The following PRKCE variants were observed in gnomAD, a reference collection of about 807,000 sequenced individuals.
The protein encoded by PRKCE is protein kinase C epsilon, also known as protein kinase C epsilon type.
A neutral mutation model predicts 85.4 loss-of-function variants in PRKCE; 16 were observed. The observed-to-expected ratio is 0.19, with a 90% CI of 0.13 to 0.28. PRKCE has a LOEUF of 0.28. PRKCE is among the 10% of genes least tolerant of loss of function. The pLI, the probability that PRKCE is intolerant of heterozygous loss-of-function variation, is 1.00. For synonymous variants in PRKCE, 388 were observed against 371.5 expected, an observed-to-expected ratio of 1.04 and a Z score of -0.51; for missense variants, 573 against 975.2, an observed-to-expected ratio of 0.59 and a Z score of 5.49.
intron 1 of PRKCE, among the ~76,000 whole-genome samples, chr2:45,679,265 C>T (rs1384065940): frequency 6.6e-6 from 1 of 152,152 alleles, no homozygotes; most frequent in East Asian, 1.9e-4. Flanking sequence ...CACACATATA[C>T]TCAAAAGAAT....
intron 2 of PRKCE, among the ~76,000 whole-genome samples, chr2:45,929,571 T>G (rs1240514512): frequency 6.6e-6 from 1 of 152,042 alleles, no homozygotes; most frequent in Non-Finnish European, 1.5e-5. Context: ...AGATGCTAAT[T>G]AAGCTCCCAC....
intron 11 of PRKCE, among the ~76,000 whole-genome samples, chr2:46,092,345 C>T (rs181840184): frequency 1.3e-5 from 2 of 152,202 alleles, no homozygotes; most frequent in African/African-American, 4.8e-5. Context: ...ATTCTCCAAG[C>T]CTTTTGATCT....
chr2:45,775,025 T>A (rs189338134), intron 1 of PRKCE, among the ~76,000 whole-genome samples: 1 of 152,320 alleles, frequency 6.6e-6, no homozygotes, highest in African/African-American at 2.4e-5. Flanking sequence ...GCCTTCTGGA[T>A]GATCTCCTCC....
intron 1 of PRKCE, among the ~76,000 whole-genome samples, chr2:45,733,650 C>G (rs1424105820): frequency 6.6e-6 from 1 of 152,188 alleles, no homozygotes; most frequent in Non-Finnish European, 1.5e-5. Context: ...TGGAGTCAGC[C>G]TAGTGGCTGG....
intron 1 of PRKCE, among the ~76,000 whole-genome samples, chr2:45,716,690 AGAAGGAAGGAAGGAAG>A (rs750015013): frequency 8.9e-6 from 1 of 112,428 alleles, no homozygotes; most frequent in East Asian, 2.6e-4. Flanking sequence ...GAAGAAGAAG[AGAAGGAAGGAAGGAAG>A]GAAGGAAGGA....
chr2:46,041,784 T>C lies in PRKCE; in HGVS notation c.1437+31267T>C, dbSNP rs1708228192. 1.3e-5 allele frequency among the ~76,000 whole-genome samples: 2 copies of C among 152,250 alleles called. No individual in the cohort carries two copies. Among genetic ancestry groups the C allele is most frequent in the African/African-American group, 2.4e-5 (1 of 41,474 alleles). On this transcript the variant is annotated intron_variant, in intron 10 of 14. Transcript: ENST00000306156. This position sits in a 1 kb window ranked among gnomAD's most constrained non-coding sequence, Gnocchi z 5.5. ...TAATTAAATTTAAAATTCTTTAAGCTGGAGGAATTTGCCCTAAAACTGTTC... is the reference window on the plus strand; with the variant it reads ...TAATTAAATTTAAAATTCTTTAAGCCGGAGGAATTTGCCCTAAAACTGTTC...
chr2:46,124,581 A>G (rs1346130264), intron 11 of PRKCE, among the ~76,000 whole-genome samples: 7 of 151,718 alleles, frequency 4.6e-5, no homozygotes, highest in Non-Finnish European at 1.0e-4. Flanking sequence ...CCAGTTAGAG[A>G]CCCCCTCCTT....
intron 1 of PRKCE, among the ~76,000 whole-genome samples, chr2:45,655,429 C>T (rs1313225546): frequency 3.3e-5 from 5 of 151,760 alleles, no homozygotes; most frequent in Non-Finnish European, 7.4e-5. Context: ...ATTCTTCTTC[C>T]GATGTGGCCC....
intron 1 of PRKCE, among the ~76,000 whole-genome samples, chr2:45,815,931 C>T (rs1462559955): frequency 6.6e-6 from 1 of 152,178 alleles, no homozygotes; most frequent in Non-Finnish European, 1.5e-5. Context: ...CATGCCAGCC[C>T]TGGGCTGAAG....
intron 2 of PRKCE, among the ~76,000 whole-genome samples, chr2:45,889,415 G>A (rs181369853): frequency 1.3e-5 from 2 of 152,212 alleles, no homozygotes; most frequent in Non-Finnish European, 2.9e-5. Flanking sequence ...CACCTTCAAC[G>A]ATGAACTTGT....
At chr2:45,758,844 C>T (rs1684212544) in intron 1 of PRKCE, among the ~76,000 whole-genome samples, 1 of 152,162 alleles carries the variant, frequency 6.6e-6, no homozygotes, top group African/African-American at 2.4e-5. Context: ...GGTGAATCAC[C>T]TAGCGTCTTC....
intron 2 of PRKCE, among the ~76,000 whole-genome samples, chr2:45,944,746 T>C (rs1287002353): frequency 1.4e-5 from 2 of 142,566 alleles, no homozygotes; most frequent in African/African-American, 5.3e-5. Context: ...AAGCGATCCA[T>C]CCACCTTGGC....
chr2:45,867,305 A>G lies in PRKCE; in HGVS notation c.412+24242A>G, dbSNP rs190463909. On this transcript the variant is annotated intron_variant, in intron 2 of 14. Coordinates refer to ENST00000306156, the MANE Select transcript of PRKCE (RefSeq NM_005400.3). ...GGGTCGCCAGGATTAGCAAACAAAA[A>G]CCTGGGAGGCACAATTAAATTCGAA... 2.6e-5 allele frequency among the ~76,000 whole-genome samples: 4 copies of G among 152,376 alleles called. No individual in the cohort carries two copies. The East Asian group carries it at 7.7e-4, about 29-fold the overall frequency.
chr2:45,737,846 A>G (rs1427294866), intron 1 of PRKCE, among the ~76,000 whole-genome samples: 1 of 152,006 alleles, frequency 6.6e-6, no homozygotes, highest in Non-Finnish European at 1.5e-5. Flanking sequence ...TGGACATTTC[A>G]ACCTGGACAT....
chr2:45,733,958 ACCT>A (rs1238016927), intron 1 of PRKCE, among the ~76,000 whole-genome samples: 3 of 150,694 alleles, frequency 2.0e-5, no homozygotes, highest in Admixed American at 2.0e-4. Context: ...TTCAAGGAAA[ACCT>A]CCTGGAAGGC....
rs567563247 is a variant in PRKCE, at chr2:45,812,133, G to A, written c.349-30867G>A. Among the ~76,000 whole-genome samples the A allele has an allele frequency of 3.3e-5, 5 of 152,320 alleles. No homozygotes were observed. The East Asian group carries it at 7.7e-4, about 23-fold the overall frequency. On this transcript the variant is annotated intron_variant, in intron 1 of 14. Transcript: ENST00000306156. ...TGGGTGAGTCACCCCACCTCTCTGAGTAAAGATCTGCATCTGTGAAACAGG... is the reference window on the plus strand; with the variant it reads ...TGGGTGAGTCACCCCACCTCTCTGAATAAAGATCTGCATCTGTGAAACAGG...
At chr2:46,108,210 C>G (rs567770041) in intron 11 of PRKCE, among the ~76,000 whole-genome samples, 2 of 152,264 alleles carry the variant, frequency 1.3e-5, no homozygotes, top group East Asian at 3.9e-4. Context: ...CATGCCTGGC[C>G]TTATTTTTGA....
intron 12 of PRKCE, among the ~76,000 whole-genome samples, chr2:46,148,013 C>T (rs1676253625): frequency 6.6e-6 from 1 of 152,192 alleles, no homozygotes; most frequent in African/African-American, 2.4e-5. Context: ...GCAGAAGCCT[C>T]CATTCAAATG....
chr2:45,970,023 A>G (rs1702003291), intron 2 of PRKCE, among the ~76,000 whole-genome samples: 1 of 152,224 alleles, frequency 6.6e-6, no homozygotes, highest in Non-Finnish European at 1.5e-5. Context: ...ATAAGGATAT[A>G]GCTTTTAGTT....
Sources: gnomAD v4.1 joint callset for allele counts (sites outside exome capture counted in the v4.1 genomes callset) on GRCh38, gnomAD v4.1.1 for gene constraint, Gnocchi (gnomAD v3.1) non-coding constraint, MANE v1.5 for transcripts, NCBI Gene and HGNC (gene_info 2026-07-23, HGNC 2026-07-21) for gene names.